The following JUND variants were observed in gnomAD, a reference collection of about 807,000 sequenced individuals.
The protein encoded by JUND is transcription factor JunD.
In JUND, 2 loss-of-function variants were observed where a neutral mutation model predicts 7.1. The observed-to-expected ratio is 0.28, with a 90% CI of 0.11 to 0.88. The LOEUF (loss-of-function observed/expected upper bound fraction) is 0.88. Among genes scored for constraint, JUND ranks in the 40% least tolerant of loss-of-function variants. The pLI is 0.60. For synonymous variants in JUND, 335 were observed against 263.2 expected, an observed-to-expected ratio of 1.27 and a Z score of -2.64; for missense variants, 479 against 519.1, an observed-to-expected ratio of 0.92 and a Z score of 0.75.
At position 18,280,406 on chromosome 19, in the gene JUND, G is replaced by A. The variant is rs966424025; in HGVS notation, c.*35C>T. 6.5e-7 allele frequency: 1 copy of A among 1,536,728 alleles called. No homozygotes were observed. The highest frequency in any genetic ancestry group is 2.0e-5 in the Admixed American group (1 of 50,016). On this transcript the variant is annotated 3_prime_UTR_variant, in exon 1 of 1. Coordinates refer to ENST00000252818, the MANE Select transcript of JUND (RefSeq NM_005354.6). The surrounding 1 kb of genome is among the most constrained non-coding windows in gnomAD (Gnocchi z 4.1). ...CACCCCCCCGCGAGCCCGCCCCTTG[G>A]GGAGGGTGGCCGCGCATGCGCCCCG...
At position 18,280,603 on chromosome 19, in the gene JUND, C is replaced by G; in HGVS notation, c.882G>C (p.Ser294=). The change falls in exon 1 of 1, where the codon TCG becomes TCC. Residue 294 remains serine, a synonymous_variant. Transcript: ENST00000252818. The surrounding 1 kb of genome is among the most constrained non-coding windows in gnomAD (Gnocchi z 4.1). ...KCRKRKLERI[S]RLEEKVKTLK... The stretch of plus-strand genomic sequence containing the variant: ...GGGTCTTCACTTTCTCTTCCAGGCG[C>G]GAGATGCGCTCCAGCTTGCGCTTGC... 6.2e-7 allele frequency: 1 copy of G among 1,613,026 alleles called. No homozygotes were observed. Among genetic ancestry groups the G allele is most frequent in the South Asian group, 1.1e-5 (1 of 91,078 alleles).
In JUND at chr19:18,280,360, C is replaced by CT. The variant is rs1969920148; in HGVS notation, c.*80_*81insA. ...GGGGGTCCCCAGGGCCGCACCCTCT[C>CT]CAAGTCCGGGGCGCCCACGACACCC... On this transcript the variant is annotated 3_prime_UTR_variant, in exon 1 of 1. Transcript: ENST00000252818. The surrounding 1 kb of genome is among the most constrained non-coding windows in gnomAD (Gnocchi z 4.1). The CT allele has an allele frequency of 6.8e-6, 10 of 1,469,814 alleles. No homozygotes were observed. In the South Asian group the frequency reaches 8.9e-5, roughly 13 times the overall value. 91.0% of individuals were successfully genotyped at this position (1,469,814 alleles called of 1,614,324 possible).
chr19:18,280,430 C>T lies in JUND; in HGVS notation c.*11G>A, dbSNP rs1383543888. 6.5e-7 allele frequency: 1 copy of T among 1,545,556 alleles called. No homozygotes were observed. The highest frequency in any genetic ancestry group is 8.7e-7 in the Non-Finnish European group (1 of 1,146,748). ...GGGGAGGGTGGCCGCGCATGCGCCC[C>T]GCGCGCGGACTCAGTACGCGGGCAC... is the stretch of plus-strand genomic sequence containing the variant. On this transcript the variant is annotated 3_prime_UTR_variant, in exon 1 of 1. Transcript: ENST00000252818. This position sits in a 1 kb window ranked among gnomAD's most constrained non-coding sequence, Gnocchi z 4.1.
chr19:18,280,410 G>C lies in JUND; in HGVS notation c.*31C>G. The C allele has an allele frequency of 6.5e-7, 1 of 1,538,524 alleles. No homozygotes were observed. The highest frequency in any genetic ancestry group is 2.5e-5 in the East Asian group (1 of 40,678). On this transcript the variant is annotated 3_prime_UTR_variant, in exon 1 of 1. Coordinates refer to ENST00000252818, the MANE Select transcript of JUND (RefSeq NM_005354.6). This position sits in a 1 kb window ranked among gnomAD's most constrained non-coding sequence, Gnocchi z 4.1. ...CCCCCGCGAGCCCGCCCCTTGGGGA[G>C]GGTGGCCGCGCATGCGCCCCGCGCG...
At position 18,281,272 on chromosome 19, in the gene JUND, G is replaced by T. The variant is rs899791522; in HGVS notation, c.213C>A (p.Thr71=). Residue 71 remains threonine (T), a synonymous_variant, in exon 1 of 1, where the codon ACC becomes ACA. Coordinates refer to ENST00000252818, the MANE Select transcript of JUND (RefSeq NM_005354.6). ...ALKPAAAPPP[T]PLRADGAPSA... The stretch of plus-strand genomic sequence containing the variant: ...TGGGGGCGCCGTCGGCGCGCAGGGG[G>T]GTAGGAGGCGGCGCGGCCGCAGGCT... 6 of 1,430,804 alleles carry T rather than the reference G, an allele frequency of 4.2e-6. No individual in the cohort carries two copies. The South Asian group carries it at 4.2e-5, about 10-fold the overall frequency. 88.6% of individuals were successfully genotyped at this position (1,430,804 alleles called of 1,614,324 possible).
In JUND at chr19:18,281,007, CA is replaced by C; in HGVS notation, c.477del (p.Ala160ProfsTer38). The C allele has an allele frequency of 8.0e-7, 1 of 1,255,922 alleles. No homozygotes were observed. The allele number at this position is 1,255,922 out of a possible 1,614,324, so 77.8% of individuals were successfully genotyped here. ...KQNQLGAGAAAAAAAAAAGGP... is the reference protein window; with the variant it reads ...KQNQLGAGAAXAAAAAAAGGP... ...CCCCCGGCGGCGGCGGCGGCGGCGG[CA>C]GCGGCCGCGCCCGCGCCGAGCTGGT... is the stretch of plus-strand genomic sequence containing the variant. On this transcript the variant is annotated frameshift_variant, in exon 1 of 1. Transcript: ENST00000252818. LOFTEE classifies it low-confidence loss of function (END_TRUNC).
Position 18,281,008 on chromosome 19 carries a change from A to G in JUND, c.477T>C (p.Ala159=), listed in dbSNP as rs372156156. 22 of 1,220,106 alleles carry G rather than the reference A, an allele frequency of 1.8e-5. No individual in the cohort carries two copies. The highest frequency in any genetic ancestry group is 1.3e-4 in the Admixed American group (3 of 23,046). 75.6% of individuals were successfully genotyped at this position (1,220,106 alleles called of 1,614,324 possible). The change falls in exon 1 of 1, where the codon GCT becomes GCC. Residue 159 remains alanine (A), a synonymous_variant. Transcript: ENST00000252818. The part of the protein sequence containing the change: ...KQNQLGAGAA[A]AAAAAAAGGP... The stretch of plus-strand genomic sequence containing the variant: ...CCCCGGCGGCGGCGGCGGCGGCGGC[A>G]GCGGCCGCGCCCGCGCCGAGCTGGT...
At position 18,280,845 on chromosome 19, in the gene JUND, C is replaced by T; in HGVS notation, c.640G>A (p.Ala214Thr). 2.2e-6 allele frequency: 3 copies of T among 1,367,382 alleles called. No individual in the cohort carries two copies. Among genetic ancestry groups the T allele is most frequent in the Non-Finnish European group, 2.8e-6 (3 of 1,071,144 alleles). The allele number at this position is 1,367,382 out of a possible 1,614,324, so 84.7% of individuals were successfully genotyped here. A position where few individuals can be genotyped will look rare whatever the true frequency, so the allele number is the denominator to read the frequency against. ...AGGAGGAATVAFAAEPVPFPP... is the reference protein window; with the variant it reads ...AGGAGGAATVTFAAEPVPFPP... The stretch of plus-strand genomic sequence containing the variant: ...AAGGGCACAGGTTCGGCAGCGAAGG[C>T]GACCGTCGCGGCGCCCCCCGCGCCC... The change falls in exon 1 of 1, where the codon GCC becomes ACC. Residue 214 changes from alanine (A) to threonine (T), a missense_variant. Ala to Thr is a moderately conservative substitution (Grantham distance 58). Around this residue, in one of 3 missense-constraint regions of JUND, gnomAD observed 374 missense variants for 365.4 expected, o/e 1.02. Coordinates refer to ENST00000252818, the MANE Select transcript of JUND (RefSeq NM_005354.6). This position sits in a 1 kb window ranked among gnomAD's most constrained non-coding sequence, Gnocchi z 4.1.
At position 18,281,158 on chromosome 19, in the gene JUND, C is replaced by G; in HGVS notation, c.327G>C (p.Gln109His). The G allele has an allele frequency of 6.4e-7, 1 of 1,572,698 alleles. No individual in the cohort carries two copies. Among genetic ancestry groups the G allele is most frequent in the Non-Finnish European group, 8.6e-7 (1 of 1,167,388 alleles). Reference protein sequence around the residue: ...ASPELERLIIQSNGLVTTTPT... With the variant: ...ASPELERLIIHSNGLVTTTPT... ...GCGTGGTGGTGACCAGCCCGTTGGA[C>G]TGGATGATGAGGCGCTCGAGCTCGG... The change falls in exon 1 of 1, where the codon CAG becomes CAC. Residue 109 changes from glutamine (Q) to histidine (H), a missense_variant. Physicochemically the swap from Gln to His is conservative, Grantham distance 24. Transcript: ENST00000252818.
Position 18,280,195 on chromosome 19 carries a change from A to T in JUND, c.*246T>A. The T allele has an allele frequency of 2.3e-6, 1 of 436,638 alleles. No homozygotes were observed. Among genetic ancestry groups the T allele is most frequent in the Non-Finnish European group, 4.1e-6 (1 of 244,672 alleles). 27.0% of individuals were successfully genotyped at this position (436,638 alleles called of 1,614,324 possible). On this transcript the variant is annotated 3_prime_UTR_variant, in exon 1 of 1. Transcript: ENST00000252818. The surrounding 1 kb of genome is among the most constrained non-coding windows in gnomAD (Gnocchi z 4.1). Reference sequence around the variant, plus strand: ...CACGGGGCGGCCGCGCGGGGGAAAGAGGCAGCGCGAGGGCGGGGGGGTCAT... The same window carrying T: ...CACGGGGCGGCCGCGCGGGGGAAAGTGGCAGCGCGAGGGCGGGGGGGTCAT...
In JUND at chr19:18,279,727, C is replaced by CCGG. The variant is rs761717454; in HGVS notation, c.*711_*713dup. The CCGG allele has an allele frequency of 2.0e-5, 3 of 152,602 alleles. No individual in the cohort carries two copies. Among genetic ancestry groups the CCGG allele is most frequent in the Non-Finnish European group, 4.4e-5 (3 of 68,158 alleles). 9.5% of individuals were successfully genotyped at this position (152,602 alleles called of 1,614,324 possible). ...CAGGCCCCGCCCAGCCCGCCAGGCC[C>CCGG]CGGCGGGGGAAGAAGGAGGCGGAGA... On this transcript the variant is annotated 3_prime_UTR_variant, in exon 1 of 1. Coordinates refer to ENST00000252818, the MANE Select transcript of JUND (RefSeq NM_005354.6).
At position 18,281,445 on chromosome 19, in the gene JUND, G is replaced by T; in HGVS notation, c.40C>A (p.Leu14Met). The change falls in exon 1 of 1, where the codon CTG (leucine) becomes ATG (methionine). Residue 14 changes from leucine (L) to methionine (M), a missense_variant. By Grantham distance (15) the Leu-to-Met change is conservative (BLOSUM62 2). This residue lies in a region of JUND where 374 missense variants were observed against 365.4 expected (regional missense o/e 1.02). Transcript: ENST00000252818. The stretch of plus-strand genomic sequence containing the variant: ...CCGCTGCCACTGGCGCCGCCGCCCA[G>T]GCCGCTCAGCGCCTCATCGCCGTAG... ...PFYGDEALSG[L>M]GGGASGSGGS... 1 of 1,371,264 alleles carries T rather than the reference G, an allele frequency of 7.3e-7. No homozygotes were observed. The highest frequency in any genetic ancestry group is 9.4e-7 in the Non-Finnish European group (1 of 1,065,710). The allele number at this position is 1,371,264 out of a possible 1,614,324, so 84.9% of individuals were successfully genotyped here.
Position 18,280,585 on chromosome 19 carries a change from C to T in JUND, c.900G>A (p.Val300=). 6.2e-7 allele frequency: 1 copy of T among 1,613,042 alleles called. No homozygotes were observed. The highest frequency in any genetic ancestry group is 8.5e-7 in the Non-Finnish European group (1 of 1,179,804). ...LERISRLEEK[V]KTLKSQNTEL... ...CCGTGTTCTGACTCTTGAGGGTCTT[C>T]ACTTTCTCTTCCAGGCGCGAGATGC... The change falls in exon 1 of 1, where the codon GTG becomes GTA. Residue 300 remains valine (V), a synonymous_variant. Transcript: ENST00000252818. This position sits in a 1 kb window ranked among gnomAD's most constrained non-coding sequence, Gnocchi z 4.1.
rs899791522 is a variant in JUND, at chr19:18,281,272, G to C, written c.213C>G (p.Thr71=). The C allele has an allele frequency of 2.1e-6, 3 of 1,430,700 alleles. No homozygotes were observed. The highest frequency in any genetic ancestry group is 1.4e-5 in the South Asian group (1 of 71,180). The allele number at this position is 1,430,700 out of a possible 1,614,324, so 88.6% of individuals were successfully genotyped here. The change falls in exon 1 of 1, where the codon ACC becomes ACG. Residue 71 remains threonine (T), a synonymous_variant. Transcript: ENST00000252818. The part of the protein sequence containing the change: ...ALKPAAAPPP[T]PLRADGAPSA... ...TGGGGGCGCCGTCGGCGCGCAGGGG[G>C]GTAGGAGGCGGCGCGGCCGCAGGCT...
rs1461951569 is a variant in JUND at position 18,279,964 on chromosome 19, G to A, written c.*477C>T. On this transcript the variant is annotated 3_prime_UTR_variant, in exon 1 of 1. Transcript: ENST00000252818. The stretch of plus-strand genomic sequence containing the variant: ...CCATTTCTTTAAAAAACCAACACAA[G>A]AAAACACACACACACACAACCAACG... 6.5e-6 allele frequency: 1 copy of A among 153,356 alleles called. No individual in the cohort carries two copies. The highest frequency in any genetic ancestry group is 1.4e-5 in the Non-Finnish European group (1 of 69,700). 9.5% of individuals were successfully genotyped at this position (153,356 alleles called of 1,614,324 possible).
At position 18,280,949 on chromosome 19, in the gene JUND, G is replaced by T; in HGVS notation, c.536C>A (p.Pro179His). 2 of 1,065,732 alleles carry T rather than the reference G, an allele frequency of 1.9e-6. No homozygotes were observed. The highest frequency in any genetic ancestry group is 4.4e-5 in the South Asian group (1 of 22,836). The allele number at this position is 1,065,732 out of a possible 1,614,324, so 66.0% of individuals were successfully genotyped here. A position where few individuals can be genotyped will look rare whatever the true frequency, so the allele number is the denominator to read the frequency against. The change falls in exon 1 of 1, where the codon CCC (proline) becomes CAC (histidine). Residue 179 changes from proline (P) to histidine (H), a missense_variant. Pro to His is a moderately conservative substitution (Grantham distance 77, BLOSUM62 -2). Coordinates refer to ENST00000252818, the MANE Select transcript of JUND (RefSeq NM_005354.6). This position sits in a 1 kb window ranked among gnomAD's most constrained non-coding sequence, Gnocchi z 4.1. Reference sequence around the variant, plus strand: ...GGCCGCCGCCGGGGCCAGCTCGCCGGGGGGCGCGGAGCCCGTGGCCGTGCC... The same window carrying T: ...GGCCGCCGCCGGGGCCAGCTCGCCGTGGGGCGCGGAGCCCGTGGCCGTGCC... ...PSGTATGSAP[P>H]GELAPAAAAP... is the part of the protein sequence containing the mutation.
chr19:18,280,687 C>T lies in JUND; in HGVS notation c.798G>A (p.Gln266=). Residue 266 remains glutamine (Q), a synonymous_variant, in exon 1 of 1, where the codon CAG becomes CAA. Coordinates refer to ENST00000252818, the MANE Select transcript of JUND (RefSeq NM_005354.6). This position sits in a 1 kb window ranked among gnomAD's most constrained non-coding sequence, Gnocchi z 4.1. The part of the protein sequence containing the change: ...PPLSPIDMDT[Q]ERIKAERKRL... ...GCTTGCGCTCCGCCTTGATGCGCTC[C>T]TGCGTGTCCATGTCGATGGGCGACA... The T allele has an allele frequency of 6.2e-7, 1 of 1,612,468 alleles. No individual in the cohort carries two copies. The highest frequency in any genetic ancestry group is 1.1e-5 in the South Asian group (1 of 91,070).
In JUND at chr19:18,280,339, G is replaced by A. The variant is rs11550221; in HGVS notation, c.*102C>T. On this transcript the variant is annotated 3_prime_UTR_variant, in exon 1 of 1. Coordinates refer to ENST00000252818, the MANE Select transcript of JUND (RefSeq NM_005354.6). The surrounding 1 kb of genome is among the most constrained non-coding windows in gnomAD (Gnocchi z 4.1). Reference sequence around the variant, plus strand: ...TCCTGGGCACACTCGGGGAGGGGGGGTCCCCAGGGCCGCACCCTCTCCAAG... The same window carrying A: ...TCCTGGGCACACTCGGGGAGGGGGGATCCCCAGGGCCGCACCCTCTCCAAG... 1,400 of 1,296,138 alleles carry A rather than the reference G, an allele frequency of 1.1e-3. 6 individuals carry two copies. The Middle Eastern group carries it at 0.011, about 11-fold the overall frequency. The allele number at this position is 1,296,138 out of a possible 1,614,324, so 80.3% of individuals were successfully genotyped here. A position where few individuals can be genotyped will look rare whatever the true frequency, so the allele number is the denominator to read the frequency against.
Position 18,281,361 on chromosome 19 carries a change from C to G in JUND, c.124G>C (p.Gly42Arg), listed in dbSNP as rs1969945694. The G allele has an allele frequency of 2.2e-6, 3 of 1,340,742 alleles. No homozygotes were observed. The highest frequency in any genetic ancestry group is 2.8e-6 in the Non-Finnish European group (3 of 1,055,122). The allele number at this position is 1,340,742 out of a possible 1,614,324, so 83.1% of individuals were successfully genotyped here. A position where few individuals can be genotyped will look rare whatever the true frequency, so the allele number is the denominator to read the frequency against. Residue 42 changes from glycine (G) to arginine (R), a missense_variant, in exon 1 of 1, where the codon GGC (glycine) becomes CGC (arginine). Coordinates refer to ENST00000252818, the MANE Select transcript of JUND (RefSeq NM_005354.6). ...AGCGCGTCCTTCTTCATCATGCTGCCGGCCGCGGCCGTCGGGGGCGCCCCG... is the reference window on the plus strand; with the variant it reads ...AGCGCGTCCTTCTTCATCATGCTGCGGGCCGCGGCCGTCGGGGGCGCCCCG... ...FPGAPPTAAA[G>R]SMMKKDALTL...
Sources: gnomAD v4.1 joint callset for allele counts on GRCh38, gnomAD v4.1.1 for gene constraint, gnomAD v4.1.1 regional missense constraint, Gnocchi (gnomAD v3.1) non-coding constraint, MANE v1.5 for transcripts, NCBI Gene and HGNC (gene_info 2026-07-23, HGNC 2026-07-21) for gene names.